The following APTX variants were observed in gnomAD, a reference collection of about 807,000 sequenced individuals.
APTX encodes the protein aprataxin, also known as forkhead-associated domain histidine triad-like protein.
APTX carries 33 observed loss-of-function variants against 42.3 expected under a neutral mutation model. The observed-to-expected ratio is 0.78, with a 90% CI of 0.59 to 1.04. The LOEUF (loss-of-function observed/expected upper bound fraction) is 1.04, where lower values mean the gene tolerates loss of function less well. Among genes scored for constraint, APTX ranks in the 50% least tolerant of loss-of-function variants. APTX has a pLI of 0.00. For missense variants in APTX, 421 were observed against 415.1 expected (o/e 1.01, Z -0.12); for synonymous variants, 130 against 146.7 (o/e 0.89, Z 0.82).
chr9:33,011,532 G>A (rs1008615096), intron 1 of APTX, among the ~76,000 whole-genome samples: 1 of 151,994 alleles, frequency 6.6e-6, no homozygotes, highest in Non-Finnish European at 1.5e-5. Context: ...TGATCCACCC[G>A]CCTCGGCCTC....
intron 1 of APTX, among the ~76,000 whole-genome samples, chr9:33,012,225 C>A (rs1222406757): frequency 1.3e-5 from 2 of 152,056 alleles, no homozygotes; most frequent in African/African-American, 4.8e-5. Flanking sequence ...TCACAAGAGA[C>A]CTTACTTTTC....
intron 1 of APTX, among the ~76,000 whole-genome samples, chr9:33,010,691 C>T (rs1334312278): frequency 6.6e-6 from 1 of 151,610 alleles, no homozygotes; most frequent in Non-Finnish European, 1.5e-5. Flanking sequence ...TGCACTCCAG[C>T]CTGGGCAACA....
At chr9:32,985,160 A>T (rs1318024256) in intron 5 of APTX, among the ~76,000 whole-genome samples, 1 of 152,190 alleles carries the variant, frequency 6.6e-6, no homozygotes, top group Non-Finnish European at 1.5e-5. Context: ...CAAGAATGTG[A>T]TGTAAAATCT....
intron 5 of APTX, among the ~76,000 whole-genome samples, chr9:32,985,326 G>GTTTTTTTTTTTTTTTTTTTTTTTTTTT: frequency 1.9e-5 from 2 of 103,076 alleles, no homozygotes; most frequent in Non-Finnish European, 3.8e-5. Flanking sequence ...GATGATGCCT[G>GTTTTTTTTTTTTTTTTTTTTTTTTTTT]TTTTTTTTTT....
chr9:33,013,534 T>C (rs192286775), intron 1 of APTX, among the ~76,000 whole-genome samples: 41 of 152,262 alleles, frequency 2.7e-4, no homozygotes, highest in South Asian at 1.5e-3. Flanking sequence ...GAGCCAGGCG[T>C]GGTGGCTCAT....
upstream of APTX, chr9:33,001,653 G>A (rs1304890427): frequency 1.2e-6 from 2 of 1,610,298 alleles, no homozygotes; most frequent in South Asian, 2.2e-5. Flanking sequence ...GAGGCCGGCT[G>A]TATCGCGACC....
At chr9:32,987,868 A>G (rs758811952) in intron 3 of APTX, 22 bp from the exon 4 acceptor site, 3 of 1,610,658 alleles carry the variant, frequency 1.9e-6, no homozygotes, top group Non-Finnish European at 2.5e-6. Context: ...ACAATCAGAA[A>G]ATAATTATAA....
chr9:33,002,785 G>A (rs1471115576), upstream of APTX, among the ~76,000 whole-genome samples: 1 of 152,176 alleles, frequency 6.6e-6, no homozygotes, highest in Non-Finnish European at 1.5e-5. Context: ...ACAAAATTGA[G>A]ATTTAAGGAG....
chr9:32,990,072 G>A (rs888628522), intron 1 of APTX, 177 bp from the exon 2 acceptor site: 6 of 716,040 alleles, frequency 8.4e-6, no homozygotes, highest in Middle Eastern at 7.7e-4. Context: ...TGGGACTCAG[G>A]AGGCTGTTGT....
At chr9:33,004,807 AT>A (rs200119506), upstream of APTX, among the ~76,000 whole-genome samples, 11,678 of 139,818 alleles carry the variant, frequency 0.084, 522 homozygotes, top group Non-Finnish European at 0.12. Context: ...TAATTTTTGT[AT>A]TTTTTTTTTT....
At chr9:33,002,415 C>T (rs1309148863), upstream of APTX, among the ~76,000 whole-genome samples, 1 of 152,204 alleles carries the variant, frequency 6.6e-6, no homozygotes, top group Non-Finnish European at 1.5e-5. Flanking sequence ...CCAAGAACCA[C>T]CACCACCACC....
intron 1 of APTX, chr9:33,001,344 G>A: frequency 1.3e-6 from 2 of 1,526,980 alleles, no homozygotes; most frequent in South Asian, 1.2e-5. Flanking sequence ...GGTGTCGGGA[G>A]CACACGTGAA....
At chr9:33,004,274 G>A (rs1023309667), upstream of APTX, among the ~76,000 whole-genome samples, 24 of 152,300 alleles carry the variant, frequency 1.6e-4, no homozygotes, top group African/African-American at 3.6e-4. Context: ...TTCAGAAGTG[G>A]AGAGAGTGGG....
chr9:33,004,820 T>A (rs1837019083), upstream of APTX, among the ~76,000 whole-genome samples: 1 of 151,198 alleles, frequency 6.6e-6, no homozygotes. Context: ...TTTTTTTTTT[T>A]TAGAAGAGAT....
intron 1 of APTX, among the ~76,000 whole-genome samples, chr9:32,999,493 C>T (rs1016849427): frequency 2.6e-5 from 4 of 152,174 alleles, no homozygotes; most frequent in Admixed American, 6.5e-5. Flanking sequence ...CAAATGAAAA[C>T]AAGGTCTCAT....
chr9:33,022,910 C>A (rs1838505373), intron 1 of APTX, among the ~76,000 whole-genome samples: 1 of 152,208 alleles, frequency 6.6e-6, no homozygotes, highest in South Asian at 2.1e-4. Context: ...GGTGCAATCA[C>A]CACTCACTGC....
At chr9:33,004,322 G>T (rs748087912), upstream of APTX, among the ~76,000 whole-genome samples, 31 of 152,122 alleles carry the variant, frequency 2.0e-4, no homozygotes, top group Non-Finnish European at 4.0e-4. Flanking sequence ...CATATTGGGT[G>T]TAACTATTAC....
chr9:33,001,415 C>T (rs562437436), intron 1 of APTX, 152 bp downstream of exon 1: 1 of 1,538,642 alleles, frequency 6.5e-7, no homozygotes, highest in South Asian at 1.2e-5. Context: ...AAGGTAGTAA[C>T]AGGGGAGGAC....
intron 1 of APTX, among the ~76,000 whole-genome samples, chr9:33,010,573 A>G (rs570871775): frequency 6.6e-6 from 1 of 152,060 alleles, no homozygotes; most frequent in East Asian, 1.9e-4. Context: ...TACAAAAATT[A>G]GCCAGGCTGG....
Sources: allele counts gnomAD v4.1 joint callset (sites outside exome capture counted in the v4.1 genomes callset), GRCh38; gene constraint gnomAD v4.1.1; transcripts MANE v1.5; gene names NCBI Gene and HGNC (gene_info 2026-07-23, HGNC 2026-07-21).